The following PACS2 variants were observed in gnomAD, a reference collection of about 807,000 sequenced individuals.
The protein encoded by PACS2 is PACS1-like protein.
Under a neutral mutation model 113.0 loss-of-function variants are expected in PACS2, and 36 were observed. That is an observed-to-expected ratio of 0.32 (90% confidence interval 0.24 to 0.42). The LOEUF (loss-of-function observed/expected upper bound fraction) is 0.42. PACS2 is among the 10% of genes least tolerant of loss of function. The probability of loss-of-function intolerance (pLI) is 1.00; values close to 1 mark genes in which losing one functional copy is unlikely to be tolerated. For missense variants in PACS2, 1,015 were observed against 1,239.5 expected (o/e 0.82, Z 2.72); for synonymous variants, 589 against 536.1 (o/e 1.10, Z -1.36).
At position 105,340,885 on chromosome 14, in the gene PACS2, C is replaced by A. The variant is rs1257873169; in HGVS notation, c.120-7608C>A. On this transcript the variant is annotated intron_variant, in intron 1 of 24. Coordinates refer to ENST00000447393, the MANE Select transcript of PACS2 (RefSeq NM_001100913.3). This position sits in a 1 kb window ranked among gnomAD's most constrained non-coding sequence, Gnocchi z 4.2. ...GAAAGGAGTGGGCAGGGCCTGCTGC[C>A]TCTGCTCAGGGCCCCTAGTGGGGCT... Among the ~76,000 whole-genome samples, 1 of 152,268 alleles carries A rather than the reference C, an allele frequency of 6.6e-6. No individual in the cohort carries two copies. Among genetic ancestry groups the A allele is most frequent in the Non-Finnish European group, 1.5e-5 (1 of 68,046 alleles).
chr14:105,364,446 CCGGG>C (rs2060869189), intron 4 of PACS2, among the ~76,000 whole-genome samples: 1 of 131,204 alleles, frequency 7.6e-6, no homozygotes, highest in African/African-American at 3.0e-5. Flanking sequence ...GGGCGGCGTC[CCGGG>C]TGCGCGGTGG....
chr14:105,391,676 C>T lies in PACS2; in HGVS notation c.2165C>T (p.Ser722Phe). ...AAPSGSGTLS[S>F]TPPSASPAAK... is the part of the protein sequence containing the mutation. ...CCCTCGGGCTCTGGCACGCTCTCCT[C>T]CACCCCGCCGTCCGCATCTCCTGCG... The change falls in exon 22 of 25, where the codon TCC becomes TTC. Residue 722 changes from serine (S) to phenylalanine (F), a missense_variant. This residue lies in a region of PACS2 where 859 missense variants were observed against 1,056.8 expected (regional missense o/e 0.81). Transcript: ENST00000447393. 4 of 1,609,702 alleles carry T rather than the reference C, an allele frequency of 2.5e-6. No individual in the cohort carries two copies. Among genetic ancestry groups the T allele is most frequent in the Non-Finnish European group, 3.4e-6 (4 of 1,178,920 alleles).
At chr14:105,307,494 C>G (rs587700673) in intron 1 of PACS2, among the ~76,000 whole-genome samples, 6 of 152,290 alleles carry the variant, frequency 3.9e-5, no homozygotes, top group Admixed American at 3.9e-4. Flanking sequence ...TCCCCACGTG[C>G]CCCTCCTCCT....
At position 105,376,427 on chromosome 14, in the gene PACS2, A is replaced by G. The variant is rs587692022; in HGVS notation, c.802-341A>G. 3.9e-5 allele frequency among the ~76,000 whole-genome samples: 6 copies of G among 152,228 alleles called. No individual in the cohort carries two copies. Among genetic ancestry groups the G allele is most frequent in the Admixed American group, 1.3e-4 (2 of 15,294 alleles). ...GGGGAGCCTCCTGGGTGTGGGGAGC[A>G]CTTTCTGTCTTGGTTTTGGTGGTGG... On this transcript the variant is annotated intron_variant, in intron 8 of 24. Coordinates refer to ENST00000447393, the MANE Select transcript of PACS2 (RefSeq NM_001100913.3). This position sits in a 1 kb window ranked among gnomAD's most constrained non-coding sequence, Gnocchi z 4.7.
intron 2 of PACS2, among the ~76,000 whole-genome samples, chr14:105,351,389 A>G (rs1258997868): frequency 2.0e-5 from 3 of 152,320 alleles, no homozygotes; most frequent in African/African-American, 7.2e-5. Flanking sequence ...CTCACTGGGT[A>G]TGAACTGTGT....
chr14:105,307,829 T>C (rs2058233693), intron 1 of PACS2, among the ~76,000 whole-genome samples: 1 of 152,222 alleles, frequency 6.6e-6, no homozygotes, highest in Non-Finnish European at 1.5e-5. Context: ...TCCCTGTTCC[T>C]GTCTGTTCTC....
In PACS2 at chr14:105,394,778, G is replaced by A; in HGVS notation, c.*106G>A. On this transcript the variant is annotated 3_prime_UTR_variant, in exon 25 of 25. Transcript: ENST00000447393. ...CAGAGACAGACGCTTAAAACACAAAGAGAAACAGTCTTAAGTATGAATGTG... is the reference window on the plus strand; with the variant it reads ...CAGAGACAGACGCTTAAAACACAAAAAGAAACAGTCTTAAGTATGAATGTG... 1 of 791,154 alleles carries A rather than the reference G, an allele frequency of 1.3e-6. No homozygotes were observed. Among genetic ancestry groups the A allele is most frequent in the Non-Finnish European group, 2.2e-6 (1 of 445,294 alleles). The allele number at this position is 791,154 out of a possible 1,614,324, so 49.0% of individuals were successfully genotyped here. A position where few individuals can be genotyped will look rare whatever the true frequency, so the allele number is the denominator to read the frequency against.
intron 1 of PACS2, among the ~76,000 whole-genome samples, chr14:105,322,557 C>T (rs753962995): frequency 6.6e-5 from 10 of 152,238 alleles, no homozygotes; most frequent in African/African-American, 2.2e-4. Context: ...TAAGCCACCA[C>T]GCCCAGCCTA....
At position 105,383,356 on chromosome 14, in the gene PACS2, C is replaced by T. The variant is rs2081059788; in HGVS notation, c.1626-3C>T. Reference sequence around the variant, plus strand: ...CTCCGTCCCACCTGCCTCTGGATTGCAGCTGCAACTGCAATTCCCAGCCCC... The same window carrying T: ...CTCCGTCCCACCTGCCTCTGGATTGTAGCTGCAACTGCAATTCCCAGCCCC... On this transcript the variant is annotated splice_polypyrimidine_tract_variant and splice_region_variant and intron_variant, in intron 15 of 24. Transcript: ENST00000447393. 1.2e-6 allele frequency: 2 copies of T among 1,606,320 alleles called. No homozygotes were observed. The highest frequency in any genetic ancestry group is 4.5e-5 in the East Asian group (2 of 44,886).
chr14:105,385,641 C>A, intron 18 of PACS2, 44 bp from the exon 19 acceptor site: 1 of 1,439,862 alleles, frequency 6.9e-7, no homozygotes, highest in Non-Finnish European at 9.3e-7. Context: ...GTCCTGAGGG[C>A]GTCGTAACGT....
chr14:105,312,528 G>C (rs2058374578), upstream of PACS2, among the ~76,000 whole-genome samples: 1 of 152,162 alleles, frequency 6.6e-6, no homozygotes, highest in Admixed American at 6.5e-5. Context: ...AACGCTACCA[G>C]AGAAAGCACC....
chr14:105,385,139 G>A lies in PACS2; in HGVS notation c.2000+152G>A, dbSNP rs990236016. ...GCCTGGGCCAGCTGGGCAGCTCTGGGCCTCCCTGACAGCAGGTGCTTCCCC... is the reference window on the plus strand; with the variant it reads ...GCCTGGGCCAGCTGGGCAGCTCTGGACCTCCCTGACAGCAGGTGCTTCCCC... On this transcript the variant is annotated intron_variant, in intron 18 of 24. Coordinates refer to ENST00000447393, the MANE Select transcript of PACS2 (RefSeq NM_001100913.3). 33 of 631,720 alleles carry A rather than the reference G, an allele frequency of 5.2e-5. No individual in the cohort carries two copies. The African/African-American group carries it at 5.3e-4, about 10-fold the overall frequency. The allele number at this position is 631,720 out of a possible 1,614,324, so 39.1% of individuals were successfully genotyped here.
Position 105,384,292 on chromosome 14 carries a change from G to A in PACS2, c.1781-61G>A, listed in dbSNP as rs587714226. 993 of 998,472 alleles carry A rather than the reference G, an allele frequency of 9.9e-4. 4 individuals carry two copies. In the Middle Eastern group the frequency reaches 0.016, roughly 17 times the overall value. The allele number at this position is 998,472 out of a possible 1,614,324, so 61.9% of individuals were successfully genotyped here. ...TCGGGTGGCCCAGCTTTTGTGCCGC[G>A]GTGGGAGCCTTGCAGCTCCGAGTCC... On this transcript the variant is annotated intron_variant, in intron 16 of 24. Coordinates refer to ENST00000447393, the MANE Select transcript of PACS2 (RefSeq NM_001100913.3).
At chr14:105,322,518 G>A (rs587769986) in intron 1 of PACS2, among the ~76,000 whole-genome samples, 4 of 152,004 alleles carry the variant, frequency 2.6e-5, no homozygotes, top group Non-Finnish European at 4.4e-5. Flanking sequence ...TGCCCGCCTC[G>A]GCCTCCCAAA....
chr14:105,365,517 TAAG>T lies in PACS2; in HGVS notation c.424-1694_424-1692del, dbSNP rs2060915096. Among the ~76,000 whole-genome samples the T allele has an allele frequency of 6.6e-6, 1 of 152,100 alleles. No homozygotes were observed. Among genetic ancestry groups the T allele is most frequent in the African/African-American group, 2.4e-5 (1 of 41,420 alleles). ...GGGATCCCGGCAAAAGCATCTTTGATAAGAGGCCCCATTCCTTCCTGCCCTCCC... is the reference window on the plus strand; with the variant it reads ...GGGATCCCGGCAAAAGCATCTTTGATAGGCCCCATTCCTTCCTGCCCTCCC... On this transcript the variant is annotated intron_variant, in intron 4 of 24. Transcript: ENST00000447393. This position sits in a 1 kb window ranked among gnomAD's most constrained non-coding sequence, Gnocchi z 5.1.
Position 105,317,427 on chromosome 14 carries a change from C to T in PACS2, c.119+2390C>T, listed in dbSNP as rs993132173. Among the ~76,000 whole-genome samples the T allele has an allele frequency of 3.3e-5, 5 of 152,266 alleles. No individual in the cohort carries two copies. The highest frequency in any genetic ancestry group is 7.4e-5 in the Non-Finnish European group (5 of 68,014). On this transcript the variant is annotated intron_variant, in intron 1 of 24. Coordinates refer to ENST00000447393, the MANE Select transcript of PACS2 (RefSeq NM_001100913.3). This position sits in a 1 kb window ranked among gnomAD's most constrained non-coding sequence, Gnocchi z 4.2. ...TGGGCAGTTTTCCAGAGTGGTTGTG[C>T]CTGCTCCGGCCCCCACTGACAGGGA...
At chr14:105,342,230 C>CTCTGTGTG (rs1491393178) in intron 1 of PACS2, among the ~76,000 whole-genome samples, 15 of 140,248 alleles carry the variant, frequency 1.1e-4, no homozygotes, top group African/African-American at 3.9e-4. Context: ...AAGCTGCTGC[C>CTCTGTGTG]TGTGTGTGTG....
intron 22 of PACS2, 49 bp downstream of exon 22, chr14:105,391,815 A>C: frequency 5.9e-6 from 9 of 1,524,694 alleles, no homozygotes; most frequent in Non-Finnish European, 7.9e-6. Flanking sequence ...GCCCCACCAC[A>C]TGCTGCCTGA....
At position 105,355,063 on chromosome 14, in the gene PACS2, C is replaced by A. The variant is rs146129304; in HGVS notation, c.309C>A (p.Phe103Leu). ...ALTFSLQYPH[F>L]LKREGNKLQI... ...ACTTGTGCCCACAGTATCCTCACTT[C>A]TTGAAGAGGGAAGGCAACAAGCTTC... The change falls in exon 4 of 25, where the codon TTC becomes TTA. Residue 103 changes from phenylalanine (F) to leucine (L), a missense_variant. By Grantham distance (22) the Phe-to-Leu change is conservative. This residue lies in a region of PACS2 where 140 missense variants were observed against 135.1 expected (regional missense o/e 1.04). Coordinates refer to ENST00000447393, the MANE Select transcript of PACS2 (RefSeq NM_001100913.3). This position sits in a 1 kb window ranked among gnomAD's most constrained non-coding sequence, Gnocchi z 4.1. The A allele has an allele frequency of 6.2e-7, 1 of 1,613,376 alleles. No homozygotes were observed. The highest frequency in any genetic ancestry group is 8.5e-7 in the Non-Finnish European group (1 of 1,179,844).
Sources: allele counts gnomAD v4.1 joint callset (sites outside exome capture counted in the v4.1 genomes callset), GRCh38; gene constraint gnomAD v4.1.1; regional missense constraint gnomAD v4.1.1; non-coding constraint Gnocchi (gnomAD v3.1); transcripts MANE v1.5; gene names NCBI Gene and HGNC (gene_info 2026-07-23, HGNC 2026-07-21).